The following XKR9 variants were observed in gnomAD, a reference collection of about 807,000 sequenced individuals.
XKR9 encodes the protein XK related 9.
In XKR9, 32 loss-of-function variants were observed where a neutral mutation model predicts 32.0. That is an observed-to-expected ratio of 1.00 (90% CI 0.76 to 1.34). The LOEUF is 1.34. Among genes scored for constraint, XKR9 ranks in the 40% most tolerant of loss-of-function variants. The probability of loss-of-function intolerance (pLI) is 0.00; values close to 1 mark genes in which losing one functional copy is unlikely to be tolerated. For missense variants in XKR9, 546 were observed against 429.7 expected, an observed-to-expected ratio of 1.27 and a Z score of -2.39; for synonymous variants, 168 against 143.4, an observed-to-expected ratio of 1.17 and a Z score of -1.22.
the XKR9 span, among the ~76,000 whole-genome samples, chr8:70,862,646 A>G: frequency 1.3e-5 from 2 of 151,260 alleles, no homozygotes; most frequent in Admixed American, 6.6e-5. Flanking sequence ...ATATATTTAT[A>G]TTTATATACT....
chr8:70,709,636 G>A (rs955483562), intron 4 of XKR9, among the ~76,000 whole-genome samples: 1 of 152,064 alleles, frequency 6.6e-6, no homozygotes, highest in Non-Finnish European at 1.5e-5. Flanking sequence ...CAAAACAGTA[G>A]CATTTTTTTA....
the XKR9 span, among the ~76,000 whole-genome samples, chr8:70,821,918 T>C: frequency 6.6e-6 from 1 of 152,232 alleles, no homozygotes; most frequent in East Asian, 1.9e-4. Flanking sequence ...GTCTTGGTGA[T>C]TAACATTTGA....
At chr8:70,739,556 C>G (rs1164449445), downstream of XKR9, among the ~76,000 whole-genome samples, 4 of 152,054 alleles carry the variant, frequency 2.6e-5, no homozygotes, top group African/African-American at 9.7e-5. Context: ...CAGTTTCTTC[C>G]TAGCCTCGAT....
the XKR9 span, among the ~76,000 whole-genome samples, chr8:71,040,274 G>A: frequency 4.6e-5 from 7 of 152,162 alleles, no homozygotes; most frequent in Non-Finnish European, 7.3e-5. Flanking sequence ...AGGGGAAGAG[G>A]AAGTGACTGC....
chr8:70,698,312 G>A (rs1805371101), intron 3 of XKR9, among the ~76,000 whole-genome samples: 2 of 152,010 alleles, frequency 1.3e-5, no homozygotes, highest in Admixed American at 6.6e-5. Context: ...GCTTTCTCTT[G>A]TGGGCATTTA....
At chr8:70,930,986 G>A in the XKR9 span, among the ~76,000 whole-genome samples, 1 of 152,212 alleles carries the variant, frequency 6.6e-6, no homozygotes, top group South Asian at 2.1e-4. Context: ...CCTGACCCAA[G>A]CCAGTTAGTT....
chr8:70,743,125 T>C (rs941006437), intron 2 of XKR9, among the ~76,000 whole-genome samples: 26 of 152,126 alleles, frequency 1.7e-4, no homozygotes, highest in Admixed American at 1.7e-3. Context: ...GTTCTTTAGA[T>C]TGGAGTTTTC....
chr8:71,061,866 G>A, the XKR9 span, among the ~76,000 whole-genome samples: 1 of 152,178 alleles, frequency 6.6e-6, no homozygotes, highest in South Asian at 2.1e-4. Flanking sequence ...TATATTTAGG[G>A]TGCTATGCAT....
the XKR9 span, among the ~76,000 whole-genome samples, chr8:70,979,824 G>A: frequency 6.6e-6 from 1 of 152,214 alleles, no homozygotes; most frequent in Non-Finnish European, 1.5e-5. Flanking sequence ...GTCTGCAGAA[G>A]TTTCTGCTGC....
chr8:70,807,933 T>C, the XKR9 span, among the ~76,000 whole-genome samples: 1 of 152,112 alleles, frequency 6.6e-6, no homozygotes, highest in Non-Finnish European at 1.5e-5. Flanking sequence ...TCTACAGAAC[T>C]CTCCACCACA....
the XKR9 span, among the ~76,000 whole-genome samples, chr8:70,983,782 AAAATAAATAAATAAAT>A: frequency 4.0e-5 from 6 of 150,106 alleles, no homozygotes; most frequent in African/African-American, 1.5e-4. Flanking sequence ...ACTTCATCTC[AAAATAAATAAATAAAT>A]AAATAAATAA....
intron 3 of XKR9, among the ~76,000 whole-genome samples, chr8:70,699,541 C>T (rs985692863): frequency 1.6e-4 from 25 of 152,192 alleles, no homozygotes; most frequent in African/African-American, 5.8e-4. Flanking sequence ...AGCGTTTCTG[C>T]TGAGAGATCT....
the XKR9 span, among the ~76,000 whole-genome samples, chr8:70,981,177 G>A: frequency 6.6e-6 from 1 of 152,168 alleles, no homozygotes; most frequent in Non-Finnish European, 1.5e-5. Context: ...GTATTTGGAT[G>A]TCTAGATGTC....
chr8:70,700,012 G>C (rs989651986), intron 3 of XKR9, among the ~76,000 whole-genome samples: 1 of 151,988 alleles, frequency 6.6e-6, no homozygotes. Flanking sequence ...CGTAGTTCTC[G>C]AGCCTTGGCT....
intron 3 of XKR9, chr8:70,789,520 A>G (rs1425268366): frequency 6.6e-6 from 1 of 152,100 alleles, no homozygotes; most frequent in Non-Finnish European, 1.5e-5. Context: ...CAATGCAGAC[A>G]CAGTGGTACA....
downstream of XKR9, among the ~76,000 whole-genome samples, chr8:70,736,150 G>T (rs1276702652): frequency 1.8e-3 from 276 of 151,806 alleles, 2 homozygotes; most frequent in African/African-American, 6.6e-3. Context: ...TTTAATGATT[G>T]CCATTCTAAC....
chr8:70,723,298 G>A (rs1806344776), intron 4 of XKR9, among the ~76,000 whole-genome samples: 1 of 152,054 alleles, frequency 6.6e-6, no homozygotes, highest in Non-Finnish European at 1.5e-5. Flanking sequence ...GCCTACTTCT[G>A]TCAATTCGTC....
chr8:70,754,457 G>T lies in XKR9; in HGVS notation n.353-34882G>T, dbSNP rs951591083. Among the ~76,000 whole-genome samples the T allele has an allele frequency of 3.8e-5, 5 of 132,600 alleles. 1 individual carries two copies. Among genetic ancestry groups the T allele is most frequent in the African/African-American group, 1.3e-4 (5 of 39,822 alleles). 87.0% of individuals were successfully genotyped at this position (132,600 alleles called of 152,430 possible). On this transcript the variant is annotated intron_variant and non_coding_transcript_variant, in intron 2 of 3. Transcript: ENST00000520273. Reference sequence around the variant, plus strand: ...ACCATAAAAGAGCCCGCATCGCCAAGTCAATCCTAAGCCAAAAGAACAAAG... The same window carrying T: ...ACCATAAAAGAGCCCGCATCGCCAATTCAATCCTAAGCCAAAAGAACAAAG...
the XKR9 span, among the ~76,000 whole-genome samples, chr8:70,909,463 T>C: frequency 6.6e-6 from 1 of 152,106 alleles, no homozygotes. Flanking sequence ...TGTGTTCCAA[T>C]AGGCCATTTG....
Sources: allele counts gnomAD v4.1 joint callset (sites outside exome capture counted in the v4.1 genomes callset), GRCh38; gene constraint gnomAD v4.1.1; transcripts MANE v1.5; gene names NCBI Gene and HGNC (gene_info 2026-07-23, HGNC 2026-07-21).